Variants in HTR2C observed in about 807,000 individuals in gnomAD.
The protein encoded by HTR2C is 5-hydroxytryptamine (serotonin) receptor 2C, G protein-coupled.
A neutral mutation model predicts 21.0 loss-of-function variants in HTR2C; 5 were observed. The ratio of observed to expected loss-of-function variants is 0.24; its 90% CI spans 0.12 to 0.50. The LOEUF (loss-of-function observed/expected upper bound fraction) is 0.50. HTR2C is among the 20% of genes least tolerant of loss of function. HTR2C has a pLI of 0.98. For missense variants in HTR2C, 271 were observed against 371.2 expected, an observed-to-expected ratio of 0.73 and a Z score of 2.22; for synonymous variants, 150 against 145.3, an observed-to-expected ratio of 1.03 and a Z score of -0.23.
chrX:114,595,303 G>A (rs1366423270), intron 1 of HTR2C, among the ~76,000 whole-genome samples: 3 of 110,542 alleles, frequency 2.7e-5, no homozygotes, highest in Admixed American at 9.7e-5. Context: ...CTGCAACCCC[G>A]AACTCCTGGG....
At chrX:114,631,430 A>G (rs1255414445) in intron 2 of HTR2C, among the ~76,000 whole-genome samples, 1 of 111,643 alleles carries the variant, frequency 9.0e-6, no homozygotes, top group Non-Finnish European at 1.9e-5. Context: ...ATTTACATTA[A>G]CCCCTCTTAG....
At chrX:114,798,996 G>A (rs1162132907) in intron 4 of HTR2C, among the ~76,000 whole-genome samples, 1 of 109,706 alleles carries the variant, frequency 9.1e-6, no homozygotes, top group Non-Finnish European at 1.9e-5. Flanking sequence ...CCCCAGGTAC[G>A]AGTGACACAG....
intron 4 of HTR2C, among the ~76,000 whole-genome samples, chrX:114,755,055 C>T (rs2069798083): frequency 9.1e-6 from 1 of 110,493 alleles, no homozygotes; most frequent in Admixed American, 9.7e-5. Flanking sequence ...GCCTGGCCAA[C>T]ATGGTGAAGC....
chrX:114,749,177 G>T (rs1249460037), intron 4 of HTR2C, among the ~76,000 whole-genome samples: 5 of 110,008 alleles, frequency 4.5e-5, no homozygotes, highest in Non-Finnish European at 7.6e-5. Flanking sequence ...TGCTGAGTGT[G>T]GTGCCTCACA....
At chrX:114,685,673 A>C (rs183425037) in intron 2 of HTR2C, among the ~76,000 whole-genome samples, 6 of 111,928 alleles carry the variant, frequency 5.4e-5, no homozygotes, top group Non-Finnish European at 1.1e-4. Flanking sequence ...AGCAGGTTAT[A>C]GCAGTGGATT....
intron 4 of HTR2C, among the ~76,000 whole-genome samples, chrX:114,803,360 C>T (rs1382765469): frequency 1.2e-4 from 9 of 76,568 alleles, no homozygotes; most frequent in African/African-American, 2.6e-4. Context: ...AGTGTAAAAG[C>T]GTTCCTATTT....
chrX:114,678,270 G>GACACACACACACAC (rs200416814), intron 2 of HTR2C, among the ~76,000 whole-genome samples: 1,367 of 100,207 alleles, frequency 0.014, 11 homozygotes, highest in African/African-American at 0.024. Flanking sequence ...CTCTCTGTCT[G>GACACACACACACAC]ACACACACAC....
At chrX:114,823,434 A>G (rs782622348) in intron 4 of HTR2C, 2 of 343,595 alleles carry the variant, frequency 5.8e-6, no homozygotes, top group Non-Finnish European at 1.2e-5. Flanking sequence ...TTCATGGTGC[A>G]GCAGTTCATC....
rs2071384261 is a variant in HTR2C at position 114,907,381 on chromosome X, C to G, written c.1343C>G (p.Ser448Cys). 1.7e-6 allele frequency: 2 copies of G among 1,206,882 alleles called. No individual in the cohort carries two copies. The highest frequency in any genetic ancestry group is 2.3e-4 in the Middle Eastern group (1 of 4,365). The stretch of plus-strand genomic sequence containing the variant: ...AATTTAGAGTTACCAGTAAATCCCT[C>G]CAGTGTGGTTAGCGAAAGGATTAGC... ...VENLELPVNP[S>C]SVVSERISSV The change falls in exon 6 of 6, where the codon TCC (serine) becomes TGC (cysteine). Residue 448 changes from serine to cysteine, a missense_variant. Transcript: ENST00000276198.
At chrX:114,733,721 C>G (rs1428598996) in intron 4 of HTR2C, among the ~76,000 whole-genome samples, 1 of 110,280 alleles carries the variant, frequency 9.1e-6, no homozygotes, top group Non-Finnish European at 1.9e-5. Flanking sequence ...CCACTGTCCC[C>G]CAAAGGCCCT....
chrX:114,791,063 A>T (rs911172232), intron 4 of HTR2C, among the ~76,000 whole-genome samples: 1 of 112,530 alleles, frequency 8.9e-6, no homozygotes, highest in Non-Finnish European at 1.9e-5. Flanking sequence ...AAAGAAAAGA[A>T]ATTGCCAAGA....
At chrX:114,896,897 G>C (rs2071300733) in intron 5 of HTR2C, among the ~76,000 whole-genome samples, 1 of 110,676 alleles carries the variant, frequency 9.0e-6, no homozygotes, top group Admixed American at 9.6e-5. Context: ...TTTTCTTTTT[G>C]CTTCATTTAA....
rs193088560 is a variant in HTR2C, at chrX:114,886,040, G to T, written c.551-20549G>T. On this transcript the variant is annotated intron_variant, in intron 5 of 5. Transcript: ENST00000276198. ...TCATGCATTTTGGTGTTCTGTTATT[G>T]GTACATATATGTGTATAATTGTTAT... 1.0e-4 allele frequency among the ~76,000 whole-genome samples: 11 copies of T among 110,461 alleles called. No homozygotes were observed. The East Asian group carries it at 3.2e-3, about 32-fold the overall frequency.
chrX:114,668,080 T>A (rs73580562), intron 2 of HTR2C, among the ~76,000 whole-genome samples: 2,311 of 111,921 alleles, frequency 0.021, 64 homozygotes, highest in African/African-American at 0.071. Flanking sequence ...AATATATGTA[T>A]GTATCTACAA....
intron 4 of HTR2C, among the ~76,000 whole-genome samples, chrX:114,742,896 C>T (rs2069665404): frequency 1.9e-5 from 1 of 53,166 alleles, no homozygotes; most frequent in Admixed American, 2.4e-4. Flanking sequence ...GACCCCACCA[C>T]AGTCCCCAGA....
chrX:114,610,418 T>C (rs1928674108), intron 1 of HTR2C, among the ~76,000 whole-genome samples: 3 of 112,212 alleles, frequency 2.7e-5, no homozygotes, highest in African/African-American at 9.7e-5. Context: ...TATTATCTTT[T>C]CTCAGGGTGG....
chrX:114,628,185 A>G (rs1929454678), intron 2 of HTR2C, among the ~76,000 whole-genome samples: 1 of 111,323 alleles, frequency 9.0e-6, no homozygotes, highest in Admixed American at 9.6e-5. Context: ...AATAGTATCT[A>G]TTTTATGCCT....
chrX:114,806,627 T>TAC (rs2070448129), intron 4 of HTR2C, among the ~76,000 whole-genome samples: 1 of 98,015 alleles, frequency 1.0e-5, no homozygotes, highest in African/African-American at 3.7e-5. Flanking sequence ...ACCATATATA[T>TAC]ACCATATATA....
intron 4 of HTR2C, among the ~76,000 whole-genome samples, chrX:114,828,003 T>C (rs1283708874): frequency 1.8e-5 from 2 of 110,984 alleles, no homozygotes; most frequent in Non-Finnish European, 1.9e-5. Flanking sequence ...AAATGCGGCA[T>C]GTTTTGGACC....
Sources: allele counts gnomAD v4.1 joint callset (sites outside exome capture counted in the v4.1 genomes callset), GRCh38; gene constraint gnomAD v4.1.1; transcripts MANE v1.5; gene names NCBI Gene and HGNC (gene_info 2026-07-23, HGNC 2026-07-21).